Variants in KIF6 observed in about 807,000 individuals in gnomAD.
KIF6 encodes the protein kinesin-like protein KIF6.
In KIF6, 106 loss-of-function variants were observed where a neutral mutation model predicts 112.7. The observed-to-expected ratio is 0.94, with a 90% CI of 0.80 to 1.11. The LOEUF (loss-of-function observed/expected upper bound fraction) is 1.11. Ranked by LOEUF, KIF6 falls within the 50% of genes least tolerant of loss-of-function variation. The pLI is 0.00. For synonymous variants in KIF6, 339 were observed against 339.9 expected (o/e 1.00, Z 0.03); for missense variants, 929 against 964.0 (o/e 0.96, Z 0.48).
At chr6:39,676,206 C>T (rs1277467414) in intron 3 of KIF6, among the ~76,000 whole-genome samples, 2 of 151,934 alleles carry the variant, frequency 1.3e-5, no homozygotes, top group Non-Finnish European at 2.9e-5. Context: ...AACCATAAAA[C>T]ACCTGCACAA....
intron 5 of KIF6, among the ~76,000 whole-genome samples, chr6:39,615,252 A>G (rs1783449776): frequency 6.6e-6 from 1 of 152,158 alleles, no homozygotes; most frequent in South Asian, 2.1e-4. Flanking sequence ...CATGAAGTCA[A>G]AAACGAATTA....
chr6:39,349,315 C>T (rs1764030674), intron 19 of KIF6, among the ~76,000 whole-genome samples: 1 of 152,130 alleles, frequency 6.6e-6, no homozygotes, highest in Non-Finnish European at 1.5e-5. Flanking sequence ...ACTCCTTAGA[C>T]CTATTCCACC....
intron 14 of KIF6, among the ~76,000 whole-genome samples, chr6:39,421,020 C>T (rs1356487459): frequency 6.6e-6 from 1 of 152,216 alleles, no homozygotes; most frequent in Non-Finnish European, 1.5e-5. Context: ...AGTCCCTATA[C>T]ATAGTGGGCC....
At chr6:39,336,584 G>A (rs988368231) in intron 22 of KIF6, 36 bp from the exon 23 acceptor site, 11 of 1,608,852 alleles carry the variant, frequency 6.8e-6, no homozygotes, top group African/African-American at 5.3e-5. Context: ...GTTAGGCTGT[G>A]CATGCAGACA....
At chr6:39,713,332 C>A (rs761703588) in intron 3 of KIF6, among the ~76,000 whole-genome samples, 2 of 152,268 alleles carry the variant, frequency 1.3e-5, no homozygotes, top group South Asian at 2.1e-4. Context: ...TTAAATTTAG[C>A]AAATAGAAGT....
chr6:39,677,274 A>G (rs1787201395), intron 3 of KIF6, among the ~76,000 whole-genome samples: 1 of 152,100 alleles, frequency 6.6e-6, no homozygotes, highest in African/African-American at 2.4e-5. Flanking sequence ...AAACAATTCT[A>G]AACTCATAAC....
chr6:39,415,619 T>A (rs889079328), intron 15 of KIF6, among the ~76,000 whole-genome samples: 11 of 152,252 alleles, frequency 7.2e-5, no homozygotes, highest in Admixed American at 3.3e-4. Flanking sequence ...CAAAACAGCC[T>A]GGATGTTGTC....
intron 19 of KIF6, among the ~76,000 whole-genome samples, chr6:39,351,182 CTTTT>C (rs5875669): frequency 0.19 from 20,532 of 106,820 alleles, 1,722 homozygotes; most frequent in Middle Eastern, 0.29. Flanking sequence ...TAGGATTAAA[CTTTT>C]TTTTTTTTTT....
intron 15 of KIF6, among the ~76,000 whole-genome samples, chr6:39,419,119 C>T (rs796935509): frequency 2.7e-4 from 41 of 151,954 alleles, no homozygotes; most frequent in African/African-American, 9.9e-4. Context: ...TTTGGGAGGC[C>T]GAGGTGGGTG....
intron 4 of KIF6, among the ~76,000 whole-genome samples, chr6:39,638,914 T>C (rs909941890): frequency 1.3e-5 from 2 of 152,012 alleles, no homozygotes; most frequent in Non-Finnish European, 2.9e-5. Context: ...AGAAGCAATA[T>C]ACATAATGGC....
intron 10 of KIF6, among the ~76,000 whole-genome samples, chr6:39,559,011 T>A (rs762063959): frequency 1.3e-5 from 2 of 152,136 alleles, no homozygotes; most frequent in African/African-American, 4.8e-5. Context: ...TAGACCATGC[T>A]TTTAGTTTTG....
chr6:39,639,562 T>G, intron 4 of KIF6, 48 bp downstream of exon 4: 1 of 1,420,764 alleles, frequency 7.0e-7, no homozygotes, highest in Admixed American at 2.5e-5. Context: ...CAGTATATTT[T>G]TGCTGAATAT....
At chr6:39,526,562 C>T (rs542926409) in intron 13 of KIF6, among the ~76,000 whole-genome samples, 9 of 152,238 alleles carry the variant, frequency 5.9e-5, no homozygotes, top group Admixed American at 2.6e-4. Context: ...AGCAGAGATC[C>T]GTGTACTTAC....
intron 8 of KIF6, 30 bp downstream of exon 8, chr6:39,586,231 T>A (rs754499649): frequency 1.2e-6 from 2 of 1,612,644 alleles, no homozygotes; most frequent in South Asian, 2.2e-5. Flanking sequence ...AAACCTAGAT[T>A]AAGATCTCCA....
In KIF6 at chr6:39,332,378, T is replaced by G. The variant is rs1482996062; in HGVS notation, c.*4154A>C. On this transcript the variant is annotated 3_prime_UTR_variant, in exon 23 of 23. Coordinates refer to ENST00000287152, the MANE Select transcript of KIF6 (RefSeq NM_145027.6). ...GTTGGATGCTGGTTTCTTTTTGGTTTGTTTTTCATATTCCTTTAGATATTT... is the reference window on the plus strand; with the variant it reads ...GTTGGATGCTGGTTTCTTTTTGGTTGGTTTTTCATATTCCTTTAGATATTT... The G allele has an allele frequency of 6.6e-6, 1 of 152,230 alleles. No homozygotes were observed. The highest frequency in any genetic ancestry group is 1.5e-5 in the Non-Finnish European group (1 of 68,040). 9.4% of individuals were successfully genotyped at this position (152,230 alleles called of 1,614,324 possible).
chr6:39,337,129 C>CTCCTTCCT (rs200086134), intron 22 of KIF6, among the ~76,000 whole-genome samples: 5 of 93,422 alleles, frequency 5.4e-5, no homozygotes, highest in East Asian at 3.3e-4. Context: ...TCTTTCTTTC[C>CTCCTTCCT]TCCTTCCTTC....
intron 10 of KIF6, among the ~76,000 whole-genome samples, chr6:39,547,310 C>T (rs974724650): frequency 2.0e-5 from 3 of 152,096 alleles, no homozygotes; most frequent in Non-Finnish European, 1.5e-5. Context: ...ACAATTTATA[C>T]CGTTACTTTT....
Position 39,334,758 on chromosome 6 carries a change from G to A in KIF6, c.*1774C>T, listed in dbSNP as rs1762850653. The A allele has an allele frequency of 6.6e-6, 1 of 152,390 alleles. No homozygotes were observed. The highest frequency in any genetic ancestry group is 2.4e-5 in the African/African-American group (1 of 41,410). 9.4% of individuals were successfully genotyped at this position (152,390 alleles called of 1,614,324 possible). A position where few individuals can be genotyped will look rare whatever the true frequency, so the allele number is the denominator to read the frequency against. On this transcript the variant is annotated 3_prime_UTR_variant, in exon 23 of 23. Transcript: ENST00000287152. The stretch of plus-strand genomic sequence containing the variant: ...TGGGGCAAATGCCATGCCATCTTCA[G>A]GGCTCTTGAGAGTGTGTGTGTGTAT...
intron 15 of KIF6, among the ~76,000 whole-genome samples, chr6:39,397,757 G>T (rs1000233364): frequency 7.7e-6 from 1 of 130,440 alleles, no homozygotes; most frequent in Non-Finnish European, 1.7e-5. Flanking sequence ...CAGTACACAT[G>T]GCCCGAGAAC....
Sources: gnomAD v4.1 joint callset for allele counts (sites outside exome capture counted in the v4.1 genomes callset) on GRCh38, gnomAD v4.1.1 for gene constraint, MANE v1.5 for transcripts, NCBI Gene and HGNC (gene_info 2026-07-23, HGNC 2026-07-21) for gene names.